The following CAMK1D variants were observed in gnomAD, a reference collection of about 807,000 sequenced individuals.
The protein encoded by CAMK1D is calcium/calmodulin-dependent protein kinase type 1D.
In CAMK1D, 9 loss-of-function variants were observed where a neutral mutation model predicts 47.7. The ratio of observed to expected loss-of-function variants is 0.19; its 90% CI spans 0.11 to 0.33. The LOEUF is 0.33. CAMK1D is among the 10% of genes least tolerant of loss of function. The pLI, the probability that CAMK1D is intolerant of heterozygous loss-of-function variation, is 1.00. For missense variants in CAMK1D, 291 were observed against 488.7 expected, an observed-to-expected ratio of 0.60 and a Z score of 3.81; for synonymous variants, 184 against 184.9, an observed-to-expected ratio of 0.99 and a Z score of 0.04.
Position 12,580,338 on chromosome 10 carries a change from CTT to C in CAMK1D, c.224+27001_224+27002del, listed in dbSNP as rs5783277. 9.1e-4 allele frequency among the ~76,000 whole-genome samples: 110 copies of C among 120,656 alleles called. 1 individual carries two copies. The highest frequency in any genetic ancestry group is 4.6e-3 in the Middle Eastern group (1 of 216). The allele number at this position is 120,656 out of a possible 152,430, so 79.2% of individuals were successfully genotyped here. A position where few individuals can be genotyped will look rare whatever the true frequency, so the allele number is the denominator to read the frequency against. The stretch of plus-strand genomic sequence containing the variant: ...AATATGCCCCTCCCTCCCTTCCTTC[CTT>C]TTTTTTTTTTTTTTTTTTAATATAG... On this transcript the variant is annotated intron_variant, in intron 2 of 10. Transcript: ENST00000619168.
In CAMK1D at chr10:12,791,122, A is replaced by G. The variant is rs1195340586; in HGVS notation, c.566-36A>G. The G allele has an allele frequency of 1.9e-6, 3 of 1,605,508 alleles. No individual in the cohort carries two copies. In the Admixed American group the frequency reaches 5.0e-5, roughly 27 times the overall value. ...ACTGTCTTCAGTCCGAGGCATGTAA[A>G]TTGTCAGGCTGTGTCTTTTCTTTGT... On this transcript the variant is annotated intron_variant, in intron 5 of 10. Transcript: ENST00000619168.
Position 12,812,166 on chromosome 10 carries a change from T to C in CAMK1D, c.642-2029T>C, listed in dbSNP as rs145345752. Among the ~76,000 whole-genome samples the C allele has an allele frequency of 4.1e-3, 619 of 152,360 alleles. 5 individuals are homozygous for C. The highest frequency in any genetic ancestry group is 0.014 in the African/African-American group (601 of 41,594). ...GTACCAAGGTGGTGTTTCTAACCTG[T>C]ATTGCATTTCTTGTGTGCTGACAGC... On this transcript the variant is annotated intron_variant, in intron 6 of 10. Coordinates refer to ENST00000619168, the MANE Select transcript of CAMK1D (RefSeq NM_153498.4).
intron 1 of CAMK1D, among the ~76,000 whole-genome samples, chr10:12,541,841 A>ACC (rs1168430843): frequency 2.9e-5 from 2 of 68,536 alleles, no homozygotes; most frequent in Admixed American, 1.6e-4. Context: ...GCTGTGTTTT[A>ACC]TCTTCCTTCC....
chr10:12,473,439 GA>G (rs200351589), intron 1 of CAMK1D, among the ~76,000 whole-genome samples: 1 of 150,050 alleles, frequency 6.7e-6, no homozygotes, highest in East Asian at 1.9e-4. Context: ...GACTCAAAAA[GA>G]AAAAAAAACT....
At chr10:12,469,027 T>C (rs967657491) in intron 1 of CAMK1D, among the ~76,000 whole-genome samples, 4 of 151,966 alleles carry the variant, frequency 2.6e-5, no homozygotes, top group African/African-American at 9.7e-5. Context: ...TTCACATGGA[T>C]GGAAATCAAG....
At chr10:12,561,468 C>G (rs1339608028) in intron 2 of CAMK1D, among the ~76,000 whole-genome samples, 1 of 152,048 alleles carries the variant, frequency 6.6e-6, no homozygotes, top group Non-Finnish European at 1.5e-5. Flanking sequence ...GATGGCCCTT[C>G]CTTAGCAGTT....
chr10:12,611,553 T>C (rs1838620639), intron 2 of CAMK1D, among the ~76,000 whole-genome samples: 1 of 147,152 alleles, frequency 6.8e-6, no homozygotes, highest in Admixed American at 6.9e-5. Flanking sequence ...ACCTGTCCTC[T>C]CTGTACCCCC....
chr10:12,651,933 C>G (rs529825116), intron 2 of CAMK1D, among the ~76,000 whole-genome samples: 1 of 152,042 alleles, frequency 6.6e-6, no homozygotes, highest in Non-Finnish European at 1.5e-5. Context: ...TGCCCGCCAC[C>G]ACGCCCCGCT....
chr10:12,716,114 T>C (rs1198859315), intron 3 of CAMK1D, among the ~76,000 whole-genome samples: 1 of 152,100 alleles, frequency 6.6e-6, no homozygotes, highest in East Asian at 1.9e-4. Flanking sequence ...AGGGGGAGAA[T>C]GAGGGGACAC....
chr10:12,361,801 C>T (rs1366810321), intron 1 of CAMK1D, among the ~76,000 whole-genome samples: 1 of 152,034 alleles, frequency 6.6e-6, no homozygotes, highest in Non-Finnish European at 1.5e-5. Flanking sequence ...AATGACCCAC[C>T]CGTCTTGGCC....
At chr10:12,461,493 A>G (rs544424278) in intron 1 of CAMK1D, among the ~76,000 whole-genome samples, 32 of 152,108 alleles carry the variant, frequency 2.1e-4, no homozygotes, top group Non-Finnish European at 4.1e-4. Flanking sequence ...GATCGAGACT[A>G]TCTTGGACAA....
intron 1 of CAMK1D, among the ~76,000 whole-genome samples, chr10:12,472,437 C>T (rs1393114451): frequency 6.6e-6 from 1 of 152,102 alleles, no homozygotes; most frequent in Non-Finnish European, 1.5e-5. Context: ...AGGGAGGCCT[C>T]GCTTGTTGGG....
intron 1 of CAMK1D, among the ~76,000 whole-genome samples, chr10:12,369,546 T>A (rs1837945970): frequency 6.6e-6 from 1 of 152,154 alleles, no homozygotes; most frequent in Admixed American, 6.5e-5. Flanking sequence ...CTAAGAAAGT[T>A]CCAGAAGTCA....
chr10:12,376,625 C>T (rs949761163), intron 1 of CAMK1D, among the ~76,000 whole-genome samples: 13 of 152,122 alleles, frequency 8.5e-5, no homozygotes, highest in Non-Finnish European at 1.6e-4. Context: ...TTGCCTGGAG[C>T]CTGGAACTGG....
chr10:12,829,071 A>C lies in CAMK1D; in HGVS notation c.*184A>C. The C allele has an allele frequency of 1.8e-6, 1 of 560,726 alleles. No individual in the cohort carries two copies. The highest frequency in any genetic ancestry group is 2.2e-5 in the South Asian group (1 of 46,016). 34.7% of individuals were successfully genotyped at this position (560,726 alleles called of 1,614,324 possible). On this transcript the variant is annotated 3_prime_UTR_variant, in exon 11 of 11. Transcript: ENST00000619168. The stretch of plus-strand genomic sequence containing the variant: ...AATTCTGAAGTGTTCATTTCTCACA[A>C]ACTGTACTGACTCGAGGGGCGCTGA...
intron 3 of CAMK1D, among the ~76,000 whole-genome samples, chr10:12,709,037 G>C (rs1564509642): frequency 6.6e-6 from 1 of 152,196 alleles, no homozygotes. Flanking sequence ...GGAGTGGGGG[G>C]CACAGATCTT....
At chr10:12,640,689 C>T (rs1262499511) in intron 2 of CAMK1D, among the ~76,000 whole-genome samples, 1 of 152,096 alleles carries the variant, frequency 6.6e-6, no homozygotes, top group Non-Finnish European at 1.5e-5. Context: ...TTACACTTTA[C>T]ACAGTCTCAG....
chr10:12,769,088 G>A (rs1478995527), intron 4 of CAMK1D, among the ~76,000 whole-genome samples: 7 of 152,186 alleles, frequency 4.6e-5, no homozygotes, highest in African/African-American at 1.4e-4. Context: ...CCCCTTAAGG[G>A]TACATGGCTG....
intron 1 of CAMK1D, among the ~76,000 whole-genome samples, chr10:12,418,842 G>A (rs1394570740): frequency 6.6e-6 from 1 of 152,210 alleles, no homozygotes; most frequent in Non-Finnish European, 1.5e-5. Context: ...CCACGTGGTG[G>A]GAGATGGGGA....
Sources: gnomAD v4.1 joint callset for allele counts (sites outside exome capture counted in the v4.1 genomes callset) on GRCh38, gnomAD v4.1.1 for gene constraint, MANE v1.5 for transcripts, NCBI Gene and HGNC (gene_info 2026-07-23, HGNC 2026-07-21) for gene names.